The following LRRK2 variants were observed in gnomAD, a reference collection of about 807,000 sequenced individuals.
LRRK2 encodes leucine rich repeat kinase 2, also known as leucine-rich repeat serine/threonine-protein kinase 2.
In LRRK2, 203 loss-of-function variants were observed where a neutral mutation model predicts 302.6. That is an observed-to-expected ratio of 0.67 (90% CI 0.60 to 0.75). The LOEUF is 0.75. LRRK2 is among the 30% of genes least tolerant of loss of function. The pLI, the probability that LRRK2 is intolerant of heterozygous loss-of-function variation, is 0.00. For missense variants in LRRK2, 2,830 were observed against 2,951.0 expected (o/e 0.96, Z 0.95); for synonymous variants, 1,066 against 1,031.9 (o/e 1.03, Z -0.63).
chr12:40,353,760 T>C (rs1946442172), intron 44 of LRRK2, among the ~76,000 whole-genome samples: 1 of 152,224 alleles, frequency 6.6e-6, no homozygotes, highest in Non-Finnish European at 1.5e-5. Context: ...GGCTGGCAGA[T>C]CACTCGCGGT....
At position 40,305,830 on chromosome 12, in the gene LRRK2, G is replaced by A. The variant is rs2136794000; in HGVS notation, c.3823G>A (p.Val1275Ile). The change falls in exon 28 of 51, where the codon GTC becomes ATC. Residue 1275 changes from valine to isoleucine, a missense_variant. Around this residue, in one of 3 missense-constraint regions of LRRK2, gnomAD observed 2,121 missense variants for 2,148.0 expected, o/e 0.99. Coordinates refer to ENST00000298910, the MANE Select transcript of LRRK2 (RefSeq NM_198578.4). Reference protein sequence around the residue: ...GCLENLTSLDVSYNLELRSFP... With the variant: ...GCLENLTSLDISYNLELRSFP... ...TCTTGAAAATCTGACATCTCTGGAT[G>A]TCAGTTACAACTTGGAACTAAGATC... 3.1e-6 allele frequency: 5 copies of A among 1,613,624 alleles called. No homozygotes were observed. In the East Asian group the frequency reaches 1.1e-4, roughly 36 times the overall value.
rs1180555270 is a variant in LRRK2, at chr12:40,287,487, T to C, written c.2637T>C (p.Pro879=). The C allele has an allele frequency of 1.2e-6, 2 of 1,612,824 alleles. No homozygotes were observed. The highest frequency in any genetic ancestry group is 8.5e-7 in the Non-Finnish European group (1 of 1,179,078). The part of the protein sequence containing the change: ...LSKFDEWTFI[P]DSSMDSVFAQ... ...AATTTGATGAATGGACCTTTATTCC[T>C]GACTCTTCTATGGACAGTGTGTTTG... Residue 879 remains proline (P), a synonymous_variant, in exon 20 of 51, where the codon CCT becomes CCC. Transcript: ENST00000298910.
intron 32 of LRRK2, 72 bp from the exon 33 acceptor site, chr12:40,315,140 A>G (rs1396482484): frequency 8.8e-6 from 11 of 1,254,640 alleles, no homozygotes; most frequent in Non-Finnish European, 1.3e-5. Flanking sequence ...AAGTTGGACT[A>G]GATTTTTTCT....
chr12:40,309,393 C>T (rs755796848), intron 30 of LRRK2, among the ~76,000 whole-genome samples, 160 bp downstream of exon 30: 14 of 151,754 alleles, frequency 9.2e-5, no homozygotes, highest in Non-Finnish European at 1.2e-4. Context: ...GGAAACTTTC[C>T]GAGTAATGAA....
chr12:40,314,133 A>T lies in LRRK2; in HGVS notation c.4698A>T (p.Glu1566Asp). The change falls in exon 32 of 51, where the codon GAA (glutamate) becomes GAT (aspartate). Residue 1566 changes from glutamate to aspartate, a missense_variant. Around this residue, in one of 3 missense-constraint regions of LRRK2, gnomAD observed 2,121 missense variants for 2,148.0 expected, o/e 0.99. Coordinates refer to ENST00000298910, the MANE Select transcript of LRRK2 (RefSeq NM_198578.4). ...LVRENQLQLDENELPHAVHFL... is the reference protein window; with the variant it reads ...LVRENQLQLDDNELPHAVHFL... ...GAGAAAATCAGCTGCAGTTAGATGAAAATGAGCTTCCTCACGCAGTTCACT... is the reference window on the plus strand; with the variant it reads ...GAGAAAATCAGCTGCAGTTAGATGATAATGAGCTTCCTCACGCAGTTCACT... 1 of 1,612,690 alleles carries T rather than the reference A, an allele frequency of 6.2e-7. No homozygotes were observed. Among genetic ancestry groups the T allele is most frequent in the Non-Finnish European group, 8.5e-7 (1 of 1,178,974 alleles).
intron 44 of LRRK2, 130 bp from the exon 45 acceptor site, chr12:40,354,169 G>T: frequency 4.1e-6 from 3 of 724,702 alleles, no homozygotes; most frequent in Non-Finnish European, 4.5e-6. Context: ...AATAAAATTG[G>T]CATTGTTTTT....
At chr12:40,312,051 A>G (rs77551417) in intron 31 of LRRK2, among the ~76,000 whole-genome samples, 1,739 of 152,000 alleles carry the variant, frequency 0.011, 37 homozygotes, top group African/African-American at 0.04. Flanking sequence ...CATTGTTGTC[A>G]GAGAATGTAT....
At chr12:40,307,141 G>A (rs946235020) in intron 28 of LRRK2, among the ~76,000 whole-genome samples, 17 of 151,852 alleles carry the variant, frequency 1.1e-4, no homozygotes, top group African/African-American at 3.9e-4. Flanking sequence ...ATTAGAAATT[G>A]TAGGCATCAT....
At chr12:40,343,959 A>G (rs984175502) in intron 41 of LRRK2, among the ~76,000 whole-genome samples, 3 of 152,202 alleles carry the variant, frequency 2.0e-5, no homozygotes, top group Non-Finnish European at 2.9e-5. Flanking sequence ...TTATGTTTTC[A>G]TGCTAGAGAT....
rs376621322 is a variant in LRRK2, at chr12:40,252,958, A to C, written c.1230A>C (p.Ser410=). 1.1e-5 allele frequency: 18 copies of C among 1,613,522 alleles called. No homozygotes were observed. Among genetic ancestry groups the C allele is most frequent in the South Asian group, 5.5e-5 (5 of 91,082 alleles). ...EVMLSMLMHS[S]SKEVFQASAN... ...TGCTCTCCATGCTGATGCATTCTTC[A>C]TCAAAGGAAGTTTTCCAGGCATCTG... Residue 410 remains serine (S), a synonymous_variant, in exon 11 of 51, where the codon TCA becomes TCC. Transcript: ENST00000298910.
chr12:40,355,269 A>G (rs1038281938), intron 45 of LRRK2, among the ~76,000 whole-genome samples: 1 of 152,208 alleles, frequency 6.6e-6, no homozygotes, highest in South Asian at 2.1e-4. Context: ...GGACGACTTT[A>G]TTCAAGCCTA....
intron 12 of LRRK2, 116 bp downstream of exon 12, chr12:40,257,493 A>T: frequency 7.9e-7 from 1 of 1,262,390 alleles, no homozygotes; most frequent in Non-Finnish European, 1.1e-6. Flanking sequence ...GACACTTGAA[A>T]ACTGAAGCAT....
At chr12:40,236,892 C>T (rs992790008) in intron 4 of LRRK2, among the ~76,000 whole-genome samples, 5 of 151,606 alleles carry the variant, frequency 3.3e-5, no homozygotes, top group Admixed American at 1.3e-4. Context: ...CTCCATTTGG[C>T]GATGGACAGG....
chr12:40,242,617 T>C (rs1474042176), intron 6 of LRRK2, among the ~76,000 whole-genome samples: 2 of 151,804 alleles, frequency 1.3e-5, no homozygotes, highest in African/African-American at 4.8e-5. Flanking sequence ...AAACAGGTCA[T>C]AGCTGATTTT....
intron 7 of LRRK2, 46 bp from the exon 8 acceptor site, chr12:40,249,780 A>G (rs377722273): frequency 4.2e-5 from 67 of 1,605,318 alleles, no homozygotes; most frequent in Middle Eastern, 1.6e-4. Context: ...AAGGTAATTT[A>G]ACTTCCATGG....
chr12:40,322,470 A>G lies in LRRK2; in HGVS notation c.5469A>G (p.Gln1823=). The G allele has an allele frequency of 6.2e-7, 1 of 1,613,404 alleles. No individual in the cohort carries two copies. Among genetic ancestry groups the G allele is most frequent in the Non-Finnish European group, 8.5e-7 (1 of 1,179,440 alleles). ...GTTTTAATGATGGTGAAGAACATCA[A>G]AAAATCTTACTTGATGACTTGATGA... is the stretch of plus-strand genomic sequence containing the variant. The part of the protein sequence containing the change: ...LYSFNDGEEH[Q]KILLDDLMKK... Residue 1823 remains glutamine, a synonymous_variant, in exon 37 of 51, where the codon CAA becomes CAG. Coordinates refer to ENST00000298910, the MANE Select transcript of LRRK2 (RefSeq NM_198578.4).
Position 40,251,534 on chromosome 12 carries a change from G to A in LRRK2, c.1171G>A (p.Glu391Lys). Residue 391 changes from glutamate (E) to lysine (K), a missense_variant, in exon 10 of 51, where the codon GAA becomes AAA. Coordinates refer to ENST00000298910, the MANE Select transcript of LRRK2 (RefSeq NM_198578.4). Reference sequence around the variant, plus strand: ...CAGTTTACATGAGAAGATTGGAGATGAAGATGGCCAGTTAGTAGTTTTGAT... The same window carrying A: ...CAGTTTACATGAGAAGATTGGAGATAAAGATGGCCAGTTAGTAGTTTTGAT... ...QNSLHEKIGD[E>K]DGHFPAHREV... 3 of 1,611,072 alleles carry A rather than the reference G, an allele frequency of 1.9e-6. No individual in the cohort carries two copies. Among genetic ancestry groups the A allele is most frequent in the South Asian group, 2.2e-5 (2 of 90,740 alleles).
intron 13 of LRRK2, among the ~76,000 whole-genome samples, chr12:40,260,904 G>T (rs914885633): frequency 1.3e-5 from 2 of 152,082 alleles, no homozygotes; most frequent in African/African-American, 4.8e-5. Flanking sequence ...AGTCATTTTT[G>T]CTTTGTTCTT....
At chr12:40,245,298 A>T (rs1239228793) in intron 7 of LRRK2, among the ~76,000 whole-genome samples, 2 of 151,978 alleles carry the variant, frequency 1.3e-5, no homozygotes, top group Non-Finnish European at 2.9e-5. Flanking sequence ...AGCACAATTT[A>T]TTAGAGGTTC....
Sources: allele counts gnomAD v4.1 joint callset (sites outside exome capture counted in the v4.1 genomes callset), GRCh38; gene constraint gnomAD v4.1.1; regional missense constraint gnomAD v4.1.1; transcripts MANE v1.5; gene names NCBI Gene and HGNC (gene_info 2026-07-23, HGNC 2026-07-21).